The following PXYLP1 variants were observed in gnomAD, a reference collection of about 807,000 sequenced individuals.
PXYLP1 encodes the protein acid phosphatase-like 2.
PXYLP1 carries 17 observed loss-of-function variants against 37.9 expected under a neutral mutation model. The ratio of observed to expected loss-of-function variants is 0.45; its 90% CI spans 0.31 to 0.67. The LOEUF is 0.67. Ranked by LOEUF, PXYLP1 falls within the 30% of genes least tolerant of loss-of-function variation. The probability of loss-of-function intolerance (pLI) is 0.07; values close to 1 mark genes in which losing one functional copy is unlikely to be tolerated. For missense variants in PXYLP1, 511 were observed against 612.0 expected (o/e 0.84, Z 1.74); for synonymous variants, 221 against 232.2 (o/e 0.95, Z 0.44).
intron 2 of PXYLP1, among the ~76,000 whole-genome samples, chr3:141,265,191 C>T (rs1941477651): frequency 2.0e-5 from 3 of 152,154 alleles, no homozygotes; most frequent in Admixed American, 2.0e-4. Flanking sequence ...CCTATCACTA[C>T]ACTATTCCTG....
intron 1 of PXYLP1, among the ~76,000 whole-genome samples, chr3:141,243,102 A>G (rs1164777909): frequency 6.6e-6 from 1 of 152,154 alleles, no homozygotes; most frequent in Non-Finnish European, 1.5e-5. Flanking sequence ...TGGGGACCCC[A>G]ACTCTACTGC....
intron 1 of PXYLP1, among the ~76,000 whole-genome samples, chr3:141,247,367 T>G (rs1369802338): frequency 6.6e-6 from 1 of 152,252 alleles, no homozygotes; most frequent in Admixed American, 6.5e-5. Context: ...AAGACAGTCC[T>G]TCTTGGAAAA....
At chr3:141,279,286 G>C (rs1322524573) in intron 3 of PXYLP1, 92 bp from the exon 4 acceptor site, 3 of 1,523,192 alleles carry the variant, frequency 2.0e-6, no homozygotes, top group African/African-American at 2.8e-5. Context: ...CAGATTCCCA[G>C]CCCAAATGTG....
intron 4 of PXYLP1, among the ~76,000 whole-genome samples, chr3:141,283,399 C>G (rs1941998800): frequency 6.6e-6 from 1 of 151,988 alleles, no homozygotes; most frequent in Admixed American, 6.6e-5. Context: ...CAGACAGAAC[C>G]TGAGGAGTGA....
At chr3:141,284,536 A>G (rs372413031) in intron 4 of PXYLP1, among the ~76,000 whole-genome samples, 7 of 152,312 alleles carry the variant, frequency 4.6e-5, no homozygotes, top group East Asian at 3.9e-4. Context: ...TAATACAGTC[A>G]TCCATAGAGG....
At chr3:141,248,018 G>GTTTTTTTTTTT (rs200024544) in intron 1 of PXYLP1, among the ~76,000 whole-genome samples, 1 of 62,386 alleles carries the variant, frequency 1.6e-5, no homozygotes, top group African/African-American at 8.9e-5. Flanking sequence ...AAGAGTTTTT[G>GTTTTTTTTTTT]TTTTGTTTTT....
Position 141,292,681 on chromosome 3 carries a change from AG to A in PXYLP1, c.920del (p.Ser307ThrfsTer17), listed in dbSNP as rs1472084045. On this transcript the variant is annotated frameshift_variant, in exon 6 of 6. Transcript: ENST00000286353. LOFTEE classifies it high-confidence loss of function. The surrounding 1 kb of genome is among the most constrained non-coding windows in gnomAD (Gnocchi z 4.3). ...GCTCTGCCACTTCTGCCACAATGTCAGCTTTCCCTGTACCAGAAATGGCTGT... is the reference window on the plus strand; with the variant it reads ...GCTCTGCCACTTCTGCCACAATGTCACTTTCCCTGTACCAGAAATGGCTGT... Reference protein sequence around the residue: ...SMLCHFCHNVSFPCTRNGCVD... With the variant: ...SMLCHFCHNVXFPCTRNGCVD... 6.2e-7 allele frequency: 1 copy of A among 1,613,878 alleles called. No homozygotes were observed. The highest frequency in any genetic ancestry group is 1.7e-5 in the Admixed American group (1 of 60,006).
chr3:141,238,184 G>T lies in PXYLP1; in HGVS notation c.-54+6273G>T, dbSNP rs143673810. Among the ~76,000 whole-genome samples, 1,199 of 152,322 alleles carry T rather than the reference G, an allele frequency of 7.9e-3. 6 individuals are homozygous for T. The highest frequency in any genetic ancestry group is 0.034 in the Middle Eastern group (10 of 294). ...GCCAGAGGCAGGAAGCCAGAACACT[G>T]CATTTCCTGTGTCTGCCGTAGCTAG... On this transcript the variant is annotated intron_variant, in intron 1 of 5. Coordinates refer to ENST00000286353, the MANE Select transcript of PXYLP1 (RefSeq NM_001037172.3).
intron 1 of PXYLP1, chr3:141,232,357 T>A (rs902101893): frequency 2.7e-5 from 4 of 146,240 alleles, no homozygotes; most frequent in Non-Finnish European, 4.5e-5. Flanking sequence ...GCCCCCGCAC[T>A]CCCGCCGCTG....
At chr3:141,239,428 GTGGC>G (rs1193983541) in intron 1 of PXYLP1, among the ~76,000 whole-genome samples, 1 of 152,162 alleles carries the variant, frequency 6.6e-6, no homozygotes, top group Admixed American at 6.5e-5. Context: ...ATTTTGGGAG[GTGGC>G]TAACGTCAGC....
chr3:141,238,719 A>G (rs1940719249), intron 1 of PXYLP1, among the ~76,000 whole-genome samples: 1 of 152,162 alleles, frequency 6.6e-6, no homozygotes, highest in Admixed American at 6.5e-5. Flanking sequence ...ACTGTTAGCC[A>G]GAAGCCTTAC....
At chr3:141,288,729 A>G (rs1271327085) in intron 5 of PXYLP1, among the ~76,000 whole-genome samples, 2 of 152,126 alleles carry the variant, frequency 1.3e-5, no homozygotes, top group Admixed American at 6.5e-5. Flanking sequence ...CCCCATCTCT[A>G]CAAACAATTT....
At chr3:141,289,181 C>T (rs1424050604) in intron 5 of PXYLP1, among the ~76,000 whole-genome samples, 2 of 151,110 alleles carry the variant, frequency 1.3e-5, no homozygotes, top group East Asian at 3.9e-4. Flanking sequence ...AAGTTCTGAT[C>T]AAAACAAAAT....
intron 1 of PXYLP1, among the ~76,000 whole-genome samples, chr3:141,241,534 A>C (rs1245000066): frequency 6.6e-6 from 1 of 152,212 alleles, no homozygotes; most frequent in Non-Finnish European, 1.5e-5. Flanking sequence ...GGTGGTGCTT[A>C]AGCTGAGTTT....
chr3:141,275,246 A>T (rs1420274813), intron 2 of PXYLP1, among the ~76,000 whole-genome samples: 2 of 152,218 alleles, frequency 1.3e-5, no homozygotes, highest in South Asian at 2.1e-4. Context: ...GTGGTTTTCA[A>T]ACCACTGCTT....
At chr3:141,274,838 G>A (rs1410504770) in intron 2 of PXYLP1, among the ~76,000 whole-genome samples, 2 of 152,174 alleles carry the variant, frequency 1.3e-5, no homozygotes, top group South Asian at 4.1e-4. Context: ...CTTCCTGGAG[G>A]AGGTGACCCT....
At position 141,292,085 on chromosome 3, in the gene PXYLP1, C is replaced by G. The variant is rs907193531; in HGVS notation, c.506-183C>G. ...CTCTGCTCATCCTTCATGAATAACC[C>G]CAAGAGGCTCCCTTCACAAGCTGTT... On this transcript the variant is annotated intron_variant, in intron 5 of 5. Transcript: ENST00000286353. This position sits in a 1 kb window ranked among gnomAD's most constrained non-coding sequence, Gnocchi z 4.3. Among the ~76,000 whole-genome samples, 2 of 152,212 alleles carry G rather than the reference C, an allele frequency of 1.3e-5. No individual in the cohort carries two copies. Among genetic ancestry groups the G allele is most frequent in the African/African-American group, 4.8e-5 (2 of 41,452 alleles).
At chr3:141,284,936 G>C (rs765282790) in intron 4 of PXYLP1, among the ~76,000 whole-genome samples, 2 of 151,952 alleles carry the variant, frequency 1.3e-5, no homozygotes, top group Non-Finnish European at 2.9e-5. Flanking sequence ...TCCAAGGATG[G>C]GACACTTCAC....
At chr3:141,260,061 C>A in intron 1 of PXYLP1, 62 bp from the exon 2 acceptor site, 1 of 1,242,404 alleles carries the variant, frequency 8.0e-7, no homozygotes, top group Non-Finnish European at 1.1e-6. Flanking sequence ...TGGTTATTTT[C>A]AGTTGACAAA....
Sources: gnomAD v4.1 joint callset for allele counts (sites outside exome capture counted in the v4.1 genomes callset) on GRCh38, gnomAD v4.1.1 for gene constraint, Gnocchi (gnomAD v3.1) non-coding constraint, MANE v1.5 for transcripts, NCBI Gene and HGNC (gene_info 2026-07-23, HGNC 2026-07-21) for gene names.